Variants in NALF1 observed in about 807,000 individuals in gnomAD.
The protein encoded by NALF1 is family with sequence similarity 155 member A.
NALF1 carries 3 observed loss-of-function variants against 48.4 expected under a neutral mutation model. The observed-to-expected ratio is 0.06, with a 90% CI of 0.03 to 0.16. The LOEUF (loss-of-function observed/expected upper bound fraction) is 0.16. NALF1 is among the 10% of genes least tolerant of loss of function. NALF1 has a pLI of 1.00. For synonymous variants in NALF1, 262 were observed against 245.7 expected (o/e 1.07, Z -0.62); for missense variants, 526 against 571.5 (o/e 0.92, Z 0.81).
chr13:107,515,489 A>G lies in NALF1; in HGVS notation c.916-304734T>C, dbSNP rs528890368. ...ATCCATATATAACAGGAAAGGAAACAGACTTAGCTAACCAGAGACCTGCCC... is the reference window on the plus strand; with the variant it reads ...ATCCATATATAACAGGAAAGGAAACGGACTTAGCTAACCAGAGACCTGCCC... On this transcript the variant is annotated intron_variant, in intron 1 of 2. Transcript: ENST00000375915. 4.6e-5 allele frequency among the ~76,000 whole-genome samples: 7 copies of G among 152,332 alleles called. No homozygotes were observed. The East Asian group carries it at 1.4e-3, about 29-fold the overall frequency.
At chr13:107,714,659 C>G in intron 1 of NALF1, among the ~76,000 whole-genome samples, 1 of 132,968 alleles carries the variant, frequency 7.5e-6, no homozygotes, top group Admixed American at 7.7e-5. Context: ...AATTGGGAAA[C>G]TTTTTAATCT....
chr13:107,377,162 C>A (rs1883353842), intron 1 of NALF1, among the ~76,000 whole-genome samples: 1 of 152,192 alleles, frequency 6.6e-6, no homozygotes, highest in South Asian at 2.1e-4. Context: ...TTGTCTGGTG[C>A]CATGTCCACT....
At chr13:107,188,477 A>AC (rs59257437) in intron 2 of NALF1, among the ~76,000 whole-genome samples, 143,778 of 152,196 alleles carry the variant, frequency 0.94, 67,954 homozygotes, top group East Asian at 1. Context: ...AATTCTGCAA[A>AC]TTTTGGATAT....
At chr13:107,783,676 A>C (rs1209114208) in intron 1 of NALF1, among the ~76,000 whole-genome samples, 1 of 151,730 alleles carries the variant, frequency 6.6e-6, no homozygotes. Flanking sequence ...CATGCTCGTT[A>C]AGAGTCATCA....
At chr13:107,331,588 G>T (rs983963764) in intron 1 of NALF1, among the ~76,000 whole-genome samples, 7 of 152,138 alleles carry the variant, frequency 4.6e-5, no homozygotes, top group Admixed American at 4.6e-4. Flanking sequence ...CCTTGTAGAC[G>T]TTTACATGGT....
intron 1 of NALF1, among the ~76,000 whole-genome samples, chr13:107,503,753 T>TTGTGTGTGTGTGTGTGTG: frequency 1.4e-5 from 1 of 70,904 alleles, no homozygotes; most frequent in East Asian, 4.0e-4. Context: ...GTGTGTGTGT[T>TTGTGTGTGTGTGTGTGTG]TGTGTGTGTG....
intron 1 of NALF1, among the ~76,000 whole-genome samples, chr13:107,220,297 A>C (rs1033667681): frequency 2.0e-5 from 3 of 152,124 alleles, no homozygotes; most frequent in African/African-American, 7.2e-5. Flanking sequence ...ATGAATGCAA[A>C]CCCCTTTTGT....
chr13:107,618,314 C>T (rs2138438406), intron 1 of NALF1, among the ~76,000 whole-genome samples: 1 of 152,184 alleles, frequency 6.6e-6, no homozygotes, highest in African/African-American at 2.4e-5. Context: ...ATAAACTGGA[C>T]CTGGTGGAAG....
At chr13:107,698,033 C>T (rs1270893108) in intron 1 of NALF1, among the ~76,000 whole-genome samples, 1 of 152,150 alleles carries the variant, frequency 6.6e-6, no homozygotes, top group Non-Finnish European at 1.5e-5. Flanking sequence ...ACCATACACA[C>T]TGCTCTATAT....
At chr13:107,556,216 T>C (rs3901673) in intron 1 of NALF1, among the ~76,000 whole-genome samples, 4,293 of 150,876 alleles carry the variant, frequency 0.028, 195 homozygotes, top group African/African-American at 0.099. Context: ...GTGGGACTGA[T>C]AGTCATTCCT....
intron 1 of NALF1, among the ~76,000 whole-genome samples, chr13:107,698,745 T>A (rs1172445978): frequency 6.6e-6 from 1 of 152,136 alleles, no homozygotes; most frequent in Non-Finnish European, 1.5e-5. Context: ...TACATTTCCC[T>A]GACCACTTTA....
chr13:107,413,126 TCAAG>T (rs1372981430), intron 1 of NALF1, among the ~76,000 whole-genome samples: 1 of 152,158 alleles, frequency 6.6e-6, no homozygotes. Context: ...CACAATGTAA[TCAAG>T]TAATAATCCA....
At chr13:107,325,845 CACACACACACATAT>C (rs1306021893) in intron 1 of NALF1, among the ~76,000 whole-genome samples, 706 of 44,032 alleles carry the variant, frequency 0.016, 19 homozygotes, top group African/African-American at 0.049. Context: ...TGTCTCAACA[CACACACACACATAT>C]ATATATATAT....
chr13:107,371,184 T>A (rs1309397922), intron 1 of NALF1, among the ~76,000 whole-genome samples: 1 of 152,186 alleles, frequency 6.6e-6, no homozygotes, highest in Admixed American at 6.5e-5. Context: ...CAGTGGCTCA[T>A]GCTTATAATC....
chr13:107,371,182 C>A (rs1883242214), intron 1 of NALF1, among the ~76,000 whole-genome samples: 1 of 152,170 alleles, frequency 6.6e-6, no homozygotes, highest in Non-Finnish European at 1.5e-5. Flanking sequence ...CACAGTGGCT[C>A]ATGCTTATAA....
chr13:107,290,230 A>G (rs1362597458), intron 1 of NALF1, among the ~76,000 whole-genome samples: 1 of 151,970 alleles, frequency 6.6e-6, no homozygotes, highest in Admixed American at 6.6e-5. Flanking sequence ...AATTATGTTC[A>G]ATGAGTTGGA....
chr13:107,496,179 A>AT (rs1312429806), intron 1 of NALF1, among the ~76,000 whole-genome samples: 1 of 152,124 alleles, frequency 6.6e-6, no homozygotes, highest in Non-Finnish European at 1.5e-5. Flanking sequence ...TTTTAAAAGT[A>AT]TTTTCCCTGA....
intron 1 of NALF1, among the ~76,000 whole-genome samples, chr13:107,359,724 T>C (rs922271023): frequency 3.3e-5 from 5 of 151,992 alleles, no homozygotes; most frequent in African/African-American, 9.7e-5. Context: ...TTAATAACTT[T>C]TTAAGTGGGG....
chr13:107,775,661 C>T lies in NALF1; in HGVS notation c.915+90021G>A, dbSNP rs574445765. ...CTTCCACAATGGTTGAACTAGTTTACAGTCCCACCAACAGTGTAAAAGTGT... is the reference window on the plus strand; with the variant it reads ...CTTCCACAATGGTTGAACTAGTTTATAGTCCCACCAACAGTGTAAAAGTGT... On this transcript the variant is annotated intron_variant, in intron 1 of 2. Coordinates refer to ENST00000375915, the MANE Select transcript of NALF1 (RefSeq NM_001080396.3). 8.0e-4 allele frequency among the ~76,000 whole-genome samples: 121 copies of T among 151,886 alleles called. 1 individual carries two copies. Among genetic ancestry groups the T allele is most frequent in the Admixed American group, 3.9e-3 (60 of 15,254 alleles).
Sources: gnomAD v4.1 joint callset for allele counts (sites outside exome capture counted in the v4.1 genomes callset) on GRCh38, gnomAD v4.1.1 for gene constraint, MANE v1.5 for transcripts, NCBI Gene and HGNC (gene_info 2026-07-23, HGNC 2026-07-21) for gene names.